The following CNTNAP2 variants were observed in gnomAD, a reference collection of about 807,000 sequenced individuals.
CNTNAP2 encodes contactin associated protein 2.
Under a neutral mutation model 155.2 loss-of-function variants are expected in CNTNAP2, and 98 were observed. The observed-to-expected ratio is 0.63, with a 90% CI of 0.54 to 0.75. The LOEUF is 0.75. Among genes scored for constraint, CNTNAP2 ranks in the 30% least tolerant of loss-of-function variants. The probability of loss-of-function intolerance (pLI) is 0.00; values close to 1 mark genes in which losing one functional copy is unlikely to be tolerated. For missense variants in CNTNAP2, 1,727 were observed against 1,688.1 expected, an observed-to-expected ratio of 1.02 and a Z score of -0.40; for synonymous variants, 651 against 631.2, an observed-to-expected ratio of 1.03 and a Z score of -0.47.
chr7:147,242,334 A>G (rs1803956532), intron 8 of CNTNAP2, among the ~76,000 whole-genome samples: 1 of 152,188 alleles, frequency 6.6e-6, no homozygotes, highest in Non-Finnish European at 1.5e-5. Flanking sequence ...CCAAGTTTAG[A>G]CTACATTAAG....
At chr7:147,172,269 A>G (rs1802244543) in intron 8 of CNTNAP2, among the ~76,000 whole-genome samples, 1 of 152,164 alleles carries the variant, frequency 6.6e-6, no homozygotes, top group Non-Finnish European at 1.5e-5. Context: ...GTTCCATGAA[A>G]GGTTACCTAA....
At chr7:148,354,646 A>G (rs538849540) in intron 21 of CNTNAP2, among the ~76,000 whole-genome samples, 1 of 148,746 alleles carries the variant, frequency 6.7e-6, no homozygotes, top group African/African-American at 2.5e-5. Flanking sequence ...TTCTTAAGAC[A>G]TCTCCCTTCC....
At chr7:146,225,662 C>G (rs1386316683) in intron 1 of CNTNAP2, among the ~76,000 whole-genome samples, 3 of 152,182 alleles carry the variant, frequency 2.0e-5, no homozygotes, top group Non-Finnish European at 4.4e-5. Context: ...CTGATGACAA[C>G]TGGTGGAATG....
chr7:146,437,610 G>A (rs1299621112), intron 1 of CNTNAP2, among the ~76,000 whole-genome samples: 1 of 151,408 alleles, frequency 6.6e-6, no homozygotes, highest in Non-Finnish European at 1.5e-5. Context: ...TTCTCAATTT[G>A]TGCTTCATTG....
chr7:146,660,118 T>C (rs1445254825), intron 1 of CNTNAP2, among the ~76,000 whole-genome samples: 2 of 152,302 alleles, frequency 1.3e-5, no homozygotes, highest in East Asian at 3.9e-4. Context: ...GCAAGAGAAA[T>C]AAAGACTTGA....
intron 2 of CNTNAP2, among the ~76,000 whole-genome samples, chr7:146,783,929 T>C (rs1802531845): frequency 6.6e-6 from 1 of 152,230 alleles, no homozygotes; most frequent in Non-Finnish European, 1.5e-5. Flanking sequence ...TAGCTAAACA[T>C]TGTGCGGATC....
At chr7:147,609,897 C>T (rs1300890469) in intron 12 of CNTNAP2, among the ~76,000 whole-genome samples, 1 of 151,778 alleles carries the variant, frequency 6.6e-6, no homozygotes, top group Non-Finnish European at 1.5e-5. Context: ...TAAATAAATT[C>T]GGGGAAAGAC....
intron 3 of CNTNAP2, among the ~76,000 whole-genome samples, chr7:146,904,629 G>A (rs1459596454): frequency 6.6e-6 from 1 of 152,014 alleles, no homozygotes; most frequent in Admixed American, 6.6e-5. Context: ...CCGCCACCAC[G>A]CCTGGCTAAT....
intron 1 of CNTNAP2, among the ~76,000 whole-genome samples, chr7:146,371,764 G>A (rs527963947): frequency 1.3e-5 from 2 of 151,926 alleles, no homozygotes; most frequent in African/African-American, 4.8e-5. Flanking sequence ...AGACCAGCCT[G>A]GCCAACATGG....
At chr7:147,939,222 T>C (rs1800670604) in intron 14 of CNTNAP2, among the ~76,000 whole-genome samples, 1 of 152,188 alleles carries the variant, frequency 6.6e-6, no homozygotes, top group Non-Finnish European at 1.5e-5. Flanking sequence ...GGGAAGCTGA[T>C]AGTATTTTAC....
chr7:146,458,919 C>G (rs1796596434), intron 1 of CNTNAP2, among the ~76,000 whole-genome samples: 1 of 152,166 alleles, frequency 6.6e-6, no homozygotes, highest in Non-Finnish European at 1.5e-5. Context: ...GTGTATTTCT[C>G]TCTATATATA....
Position 146,482,583 on chromosome 7 carries a change from A to C in CNTNAP2, c.98-291688A>C, listed in dbSNP as rs12111585. ...CATGGTGAAACCCCATCTCTACTAA[A>C]AATACAGAAATTAGCTGGGCGTGGT... On this transcript the variant is annotated intron_variant, in intron 1 of 23. Transcript: ENST00000361727. 7.8e-3 allele frequency among the ~76,000 whole-genome samples: 1,183 copies of C among 151,934 alleles called. 22 individuals carry two copies. The highest frequency in any genetic ancestry group is 0.027 in the African/African-American group (1,130 of 41,388).
intron 4 of CNTNAP2, among the ~76,000 whole-genome samples, chr7:147,063,799 A>G (rs1180265299): frequency 3.9e-5 from 6 of 152,176 alleles, no homozygotes; most frequent in Non-Finnish European, 8.8e-5. Context: ...GACAGTACCT[A>G]AAATCTATAT....
chr7:146,946,537 G>A (rs1797178430), intron 3 of CNTNAP2, among the ~76,000 whole-genome samples: 1 of 151,856 alleles, frequency 6.6e-6, no homozygotes, highest in Non-Finnish European at 1.5e-5. Context: ...GCTTAATTTG[G>A]GGAACTGGCT....
intron 14 of CNTNAP2, among the ~76,000 whole-genome samples, chr7:147,930,959 TAAATC>T (rs1465044694): frequency 6.6e-6 from 1 of 151,790 alleles, no homozygotes; most frequent in Non-Finnish European, 1.5e-5. Context: ...GTCAAATAAA[TAAATC>T]AAAAGGGAAA....
intron 4 of CNTNAP2, among the ~76,000 whole-genome samples, chr7:147,073,805 T>C (rs2129266311): frequency 6.6e-6 from 1 of 152,248 alleles, no homozygotes; most frequent in Admixed American, 6.5e-5. Context: ...TTGAAGTTGT[T>C]GGTGACCATA....
rs988159098 is a variant in CNTNAP2 at position 148,293,801 on chromosome 7, G to A, written c.3475+26675G>A. Among the ~76,000 whole-genome samples the A allele has an allele frequency of 5.3e-5, 8 of 152,084 alleles. No homozygotes were observed. In the East Asian group the frequency reaches 7.7e-4, roughly 15 times the overall value. On this transcript the variant is annotated intron_variant, in intron 21 of 23. Coordinates refer to ENST00000361727, the MANE Select transcript of CNTNAP2 (RefSeq NM_014141.6). ...TGTAATCCCAGCACTTTGGGAGGTCGAGGCAGGCACATCACTTGAGGTCAG... is the reference window on the plus strand; with the variant it reads ...TGTAATCCCAGCACTTTGGGAGGTCAAGGCAGGCACATCACTTGAGGTCAG...
chr7:146,133,020 G>C, intron 1 of CNTNAP2, among the ~76,000 whole-genome samples: 1 of 146,392 alleles, frequency 6.8e-6, no homozygotes, highest in South Asian at 2.2e-4. Context: ...CTAGTTTACA[G>C]TCCCACCAAC....
chr7:146,835,652 G>C (rs1803602656), intron 2 of CNTNAP2, among the ~76,000 whole-genome samples: 1 of 152,172 alleles, frequency 6.6e-6, no homozygotes, highest in Non-Finnish European at 1.5e-5. Flanking sequence ...GTAACTCATT[G>C]TTAGTAAACA....
Sources: gnomAD v4.1 joint callset for allele counts (sites outside exome capture counted in the v4.1 genomes callset) on GRCh38, gnomAD v4.1.1 for gene constraint, MANE v1.5 for transcripts, NCBI Gene and HGNC (gene_info 2026-07-23, HGNC 2026-07-21) for gene names.